The following SLC35F4 variants were observed in gnomAD, a reference collection of about 807,000 sequenced individuals.
SLC35F4 encodes solute carrier family 35 member F4, also known as chromosome 14 open reading frame 36.
SLC35F4 carries 24 observed loss-of-function variants against 44.2 expected under a neutral mutation model. The ratio of observed to expected loss-of-function variants is 0.54; its 90% CI spans 0.39 to 0.76. The LOEUF (loss-of-function observed/expected upper bound fraction) is 0.76. SLC35F4 is among the 30% of genes least tolerant of loss of function. The pLI, the probability that SLC35F4 is intolerant of heterozygous loss-of-function variation, is 0.00. For synonymous variants in SLC35F4, 238 were observed against 223.6 expected (o/e 1.06, Z -0.57); for missense variants, 562 against 586.1 (o/e 0.96, Z 0.42).
At chr14:57,790,814 C>T (rs2077899011) in intron 1 of SLC35F4, among the ~76,000 whole-genome samples, 1 of 151,982 alleles carries the variant, frequency 6.6e-6, no homozygotes, top group Admixed American at 6.6e-5. Flanking sequence ...AGAACAGAGG[C>T]CTCAGAAATA....
chr14:57,777,685 C>T (rs1416894238), intron 1 of SLC35F4, among the ~76,000 whole-genome samples: 1 of 151,710 alleles, frequency 6.6e-6, no homozygotes, highest in Non-Finnish European at 1.5e-5. Flanking sequence ...ATGTAAATGA[C>T]GAGTTGATGA....
At chr14:57,619,743 C>G (rs2072070321) in intron 1 of SLC35F4, among the ~76,000 whole-genome samples, 1 of 152,038 alleles carries the variant, frequency 6.6e-6, no homozygotes, top group Admixed American at 6.5e-5. Flanking sequence ...CAAAACTCCT[C>G]TGAGCTAAAG....
intron 1 of SLC35F4, among the ~76,000 whole-genome samples, chr14:57,816,666 T>G (rs1369122209): frequency 6.6e-6 from 1 of 152,202 alleles, no homozygotes; most frequent in African/African-American, 2.4e-5. Flanking sequence ...ATGAGGCAAG[T>G]CAAGTGACTA....
rs3062932 is a variant in SLC35F4 at position 57,720,979 on chromosome 14, CATATATATATATATATATATAT to C, written c.104-126877_104-126856del. The stretch of plus-strand genomic sequence containing the variant: ...TGATTGTGTGAGTTAATAAACTCCT[CATATATATATATATATATATAT>C]ATATATATATATATGAGTTAATAAA... On this transcript the variant is annotated intron_variant, in intron 1 of 7. Coordinates refer to ENST00000556826, the MANE Select transcript of SLC35F4 (RefSeq NM_001306087.2). 2.8e-4 allele frequency among the ~76,000 whole-genome samples: 14 copies of C among 49,810 alleles called. 1 individual carries two copies. The South Asian group carries it at 5.7e-3, about 20-fold the overall frequency. 32.7% of individuals were successfully genotyped at this position (49,810 alleles called of 152,430 possible).
intron 1 of SLC35F4, among the ~76,000 whole-genome samples, chr14:57,659,970 T>G (rs2074086881): frequency 6.6e-6 from 1 of 152,168 alleles, no homozygotes; most frequent in Admixed American, 6.6e-5. Flanking sequence ...TTTTGCAAAT[T>G]AGTACCCACC....
intron 1 of SLC35F4, among the ~76,000 whole-genome samples, chr14:57,643,511 C>T (rs978277912): frequency 1.3e-5 from 2 of 152,020 alleles, no homozygotes; most frequent in South Asian, 2.1e-4. Flanking sequence ...GGTAGCAAAA[C>T]GGGCTTAAAT....
rs185971396 is a variant in SLC35F4 at position 57,794,798 on chromosome 14, G to A, written c.103+70925C>T. Among the ~76,000 whole-genome samples the A allele has an allele frequency of 1.2e-4, 18 of 152,076 alleles. No individual in the cohort carries two copies. In the South Asian group the frequency reaches 1.7e-3, roughly 14 times the overall value. ...CCTGCAAATAATATGTAAATGAAAC[G>A]ACTCGAAAATAGGTGCTTCATGAGT... On this transcript the variant is annotated intron_variant, in intron 1 of 7. Coordinates refer to ENST00000556826, the MANE Select transcript of SLC35F4 (RefSeq NM_001306087.2).
At chr14:57,890,693 C>A (rs551203095) in intron 1 of SLC35F4, among the ~76,000 whole-genome samples, 2 of 152,086 alleles carry the variant, frequency 1.3e-5, no homozygotes, top group South Asian at 2.1e-4. Flanking sequence ...ATATTTTAAG[C>A]AAGCTGTGAG....
intron 1 of SLC35F4, among the ~76,000 whole-genome samples, chr14:57,937,812 A>G (rs1889842960): frequency 6.6e-6 from 1 of 152,198 alleles, no homozygotes; most frequent in Non-Finnish European, 1.5e-5. Context: ...GTCAAGGACC[A>G]GATTGATGAT....
At chr14:57,711,689 G>C (rs2075821551) in intron 1 of SLC35F4, among the ~76,000 whole-genome samples, 1 of 152,266 alleles carries the variant, frequency 6.6e-6, no homozygotes, top group Admixed American at 6.5e-5. Context: ...CACAGAAAGA[G>C]GGTATAAGGG....
At chr14:57,785,997 C>A (rs2077747565) in intron 1 of SLC35F4, among the ~76,000 whole-genome samples, 1 of 152,096 alleles carries the variant, frequency 6.6e-6, no homozygotes, top group South Asian at 2.1e-4. Flanking sequence ...TCTTTGGCAG[C>A]TGGAAGACGG....
intron 1 of SLC35F4, among the ~76,000 whole-genome samples, chr14:57,612,646 A>G (rs182636255): frequency 5.9e-5 from 9 of 152,280 alleles, no homozygotes; most frequent in Admixed American, 5.9e-4. Context: ...GGCTTTTCAT[A>G]AGCATTTGTT....
chr14:57,923,223 A>T (rs1003214681), intron 1 of SLC35F4, among the ~76,000 whole-genome samples: 1 of 152,210 alleles, frequency 6.6e-6, no homozygotes, highest in Non-Finnish European at 1.5e-5. Flanking sequence ...TGTATTTAAG[A>T]TTAGGAGCCT....
At chr14:57,695,463 A>T (rs67145379) in intron 1 of SLC35F4, among the ~76,000 whole-genome samples, 20,261 of 151,392 alleles carry the variant, frequency 0.13, 1,614 homozygotes, top group African/African-American at 0.22. Context: ...AATCAAAACC[A>T]CAATGAGATA....
At chr14:57,965,026 G>A (rs1192639533) in intron 1 of SLC35F4, among the ~76,000 whole-genome samples, 1 of 128,054 alleles carries the variant, frequency 7.8e-6, no homozygotes, top group Non-Finnish European at 1.6e-5. Context: ...TCAGACAAAG[G>A]TTTCACGACT....
At chr14:57,886,414 G>A (rs979140080) in intron 1 of SLC35F4, among the ~76,000 whole-genome samples, 21 of 152,132 alleles carry the variant, frequency 1.4e-4, no homozygotes, top group African/African-American at 3.6e-4. Flanking sequence ...CAGAAATAAA[G>A]TGGGCAATAT....
At chr14:57,695,756 G>A (rs2140347449) in intron 1 of SLC35F4, among the ~76,000 whole-genome samples, 1 of 152,256 alleles carries the variant, frequency 6.6e-6, no homozygotes, top group African/African-American at 2.4e-5. Context: ...CAATAGCAAA[G>A]ACTTGGAACC....
chr14:57,634,059 G>C (rs1487889502), intron 1 of SLC35F4, among the ~76,000 whole-genome samples: 1 of 152,100 alleles, frequency 6.6e-6, no homozygotes. Context: ...CTGTGTTAAA[G>C]CTGTAAAATG....
intron 1 of SLC35F4, among the ~76,000 whole-genome samples, chr14:57,625,850 T>C (rs1184000978): frequency 6.6e-6 from 1 of 152,208 alleles, no homozygotes; most frequent in African/African-American, 2.4e-5. Context: ...TTATAAATCA[T>C]TCTACTATAA....
Sources: allele counts gnomAD v4.1 joint callset (sites outside exome capture counted in the v4.1 genomes callset), GRCh38; gene constraint gnomAD v4.1.1; transcripts MANE v1.5; gene names NCBI Gene and HGNC (gene_info 2026-07-23, HGNC 2026-07-21).